SEPTIN1: variants seen among roughly 807,000 people sequenced by gnomAD.
SEPTIN1 encodes septin-1.
In SEPTIN1, 52 loss-of-function variants were observed where a neutral mutation model predicts 50.7. The observed-to-expected ratio is 1.03, with a 90% CI of 0.82 to 1.29. SEPTIN1 has a LOEUF of 1.29. Ranked by LOEUF, SEPTIN1 falls within the 50% of genes most tolerant of loss-of-function variation. The probability of loss-of-function intolerance (pLI) is 0.00; values close to 1 mark genes in which losing one functional copy is unlikely to be tolerated. For synonymous variants in SEPTIN1, 204 were observed against 189.1 expected, an observed-to-expected ratio of 1.08 and a Z score of -0.65; for missense variants, 455 against 490.7, an observed-to-expected ratio of 0.93 and a Z score of 0.69.
At position 30,381,347 on chromosome 16, in the gene SEPTIN1, G is replaced by A. The variant is rs375556576; in HGVS notation, c.447C>T (p.Phe149=). The part of the protein sequence containing the change: ...VHCCLYFISP[F]GRGLRPLDVA... ...GGATCCCCCCACCAGACCCCCGGCCGAAGGGTGAGATGAAGTAGAGGCAGC... is the reference window on the plus strand; with the variant it reads ...GGATCCCCCCACCAGACCCCCGGCCAAAGGGTGAGATGAAGTAGAGGCAGC... The change falls in exon 5 of 11, where the codon TTC becomes TTT. Residue 149 remains phenylalanine (F), a synonymous_variant. Transcript: ENST00000321367. The surrounding 1 kb of genome is among the most constrained non-coding windows in gnomAD (Gnocchi z 4.3). 16 of 1,607,614 alleles carry A rather than the reference G, an allele frequency of 1.0e-5. No homozygotes were observed. The highest frequency in any genetic ancestry group is 6.7e-5 in the East Asian group (3 of 44,806).
In SEPTIN1 at chr16:30,381,152, T is replaced by TGGGGCATC; in HGVS notation, c.540_547dup (p.Gln183ArgfsTer17). 6.2e-7 allele frequency: 1 copy of TGGGGCATC among 1,614,064 alleles called. No homozygotes were observed. Among genetic ancestry groups the TGGGGCATC allele is most frequent in the Non-Finnish European group, 8.5e-7 (1 of 1,179,964 alleles). ...CTTCTGCTTGAGGGCCTGGGTTTCC[T>TGGGGCATC]GGGGCATCAGAGCATCCGCTTTGCC... On this transcript the variant is annotated frameshift_variant, in exon 6 of 11. Coordinates refer to ENST00000321367, the MANE Select transcript of SEPTIN1 (RefSeq NM_001365977.2). LOFTEE classifies it high-confidence loss of function. The surrounding 1 kb of genome is among the most constrained non-coding windows in gnomAD (Gnocchi z 4.3).
Position 30,381,922 on chromosome 16 carries a change from C to T in SEPTIN1, c.197-39G>A. 1 of 1,612,346 alleles carries T rather than the reference C, an allele frequency of 6.2e-7. No homozygotes were observed. Among genetic ancestry groups the T allele is most frequent in the Admixed American group, 1.7e-5 (1 of 59,824 alleles). On this transcript the variant is annotated intron_variant, in intron 3 of 10. Transcript: ENST00000321367. The surrounding 1 kb of genome is among the most constrained non-coding windows in gnomAD (Gnocchi z 4.3). ...GAGAGGTCAGGGATCCGGGGAGGCT[C>T]TGAGGCAGAATTAATTTCCTTTGTC... is the stretch of plus-strand genomic sequence containing the variant.
chr16:30,379,582 CT>C lies in SEPTIN1; in HGVS notation c.676-49del, dbSNP rs554529920. On this transcript the variant is annotated intron_variant, in intron 7 of 10. Coordinates refer to ENST00000321367, the MANE Select transcript of SEPTIN1 (RefSeq NM_001365977.2). ...TCACCATTGGCTCACACGGCAGAAACTTTCTCTTTCCCAGCTTCAATCTCCA... is the reference window on the plus strand; with the variant it reads ...TCACCATTGGCTCACACGGCAGAAACTTCTCTTTCCCAGCTTCAATCTCCA... 8.0e-4 allele frequency: 1,090 copies of C among 1,369,280 alleles called. 1 individual carries two copies. Among genetic ancestry groups the C allele is most frequent in the Non-Finnish European group, 1.0e-3 (985 of 973,658 alleles). 84.8% of individuals were successfully genotyped at this position (1,369,280 alleles called of 1,614,324 possible). A position where few individuals can be genotyped will look rare whatever the true frequency, so the allele number is the denominator to read the frequency against.
Position 30,381,059 on chromosome 16 carries a change from A to G in SEPTIN1, c.573+68T>C. The G allele has an allele frequency of 7.9e-7, 1 of 1,264,616 alleles. No individual in the cohort carries two copies. The allele number at this position is 1,264,616 out of a possible 1,614,324, so 78.3% of individuals were successfully genotyped here. Reference sequence around the variant, plus strand: ...GCTCCAGAAAGGCCACTTCAAGATCAAAGAAGTCTAAGCTGAAATCAGGTT... The same window carrying G: ...GCTCCAGAAAGGCCACTTCAAGATCGAAGAAGTCTAAGCTGAAATCAGGTT... On this transcript the variant is annotated intron_variant, in intron 6 of 10. Transcript: ENST00000321367. This position sits in a 1 kb window ranked among gnomAD's most constrained non-coding sequence, Gnocchi z 4.3.
chr16:30,382,742 C>T, upstream of SEPTIN1: 2 of 1,536,284 alleles, frequency 1.3e-6, no homozygotes, highest in Non-Finnish European at 1.7e-6. The surrounding 1 kb of genome is among the most constrained non-coding windows in gnomAD (Gnocchi z 4.8). Flanking sequence ...TACCTTCAAC[C>T]CTCCATCCTT....
Position 30,380,989 on chromosome 16 carries a change from C to T in SEPTIN1, c.573+138G>A, listed in dbSNP as rs372861703. ...ATGGCTATGCTGGCGGCTTACCACC[C>T]GCCTTCCTCAGAAGCTTCTCCTACA... On this transcript the variant is annotated intron_variant, in intron 6 of 10. Transcript: ENST00000321367. 9.0e-4 allele frequency: 693 copies of T among 769,738 alleles called. 5 individuals are homozygous for T. The highest frequency in any genetic ancestry group is 6.5e-3 in the South Asian group (411 of 62,876). The allele number at this position is 769,738 out of a possible 1,614,324, so 47.7% of individuals were successfully genotyped here.
rs777979063 is a variant in SEPTIN1, at chr16:30,382,510, G to C, written c.18+15C>G. On this transcript the variant is annotated intron_variant, in intron 1 of 10. Transcript: ENST00000321367. This position sits in a 1 kb window ranked among gnomAD's most constrained non-coding sequence, Gnocchi z 4.8. ...GGGGGCCGAGATGCCCAGGTTTCTG[G>C]GTGTAAGGACTCACCATGACTCCGC... 6.3e-7 allele frequency: 1 copy of C among 1,597,340 alleles called. No homozygotes were observed. Among genetic ancestry groups the C allele is most frequent in the East Asian group, 2.3e-5 (1 of 44,252 alleles).
chr16:30,378,352 G>A lies in SEPTIN1; in HGVS notation c.*82C>T. ...GCGGCACCCGCGGAGGTCCCGGGGG[G>A]CGCTGGGCAGTGTGGGGCGCGGGGA... is the stretch of plus-strand genomic sequence containing the variant. On this transcript the variant is annotated 3_prime_UTR_variant, in exon 11 of 11. Coordinates refer to ENST00000321367, the MANE Select transcript of SEPTIN1 (RefSeq NM_001365977.2). The A allele has an allele frequency of 1.5e-6, 2 of 1,326,812 alleles. No homozygotes were observed. Among genetic ancestry groups the A allele is most frequent in the Non-Finnish European group, 2.0e-6 (2 of 986,966 alleles). 82.2% of individuals were successfully genotyped at this position (1,326,812 alleles called of 1,614,324 possible).
intron 9 of SEPTIN1, 138 bp from the exon 10 acceptor site, chr16:30,378,838 C>CG (rs1567422643): frequency 3.6e-6 from 1 of 276,832 alleles, no homozygotes; most frequent in African/African-American, 9.3e-5. Flanking sequence ...GGAGGCAAAG[C>CG]GGGTGGGGAG....
chr16:30,379,985 C>T lies in SEPTIN1; in HGVS notation c.622G>A (p.Glu208Lys), dbSNP rs576142483. ...EEEIHIYQFP[E>K]CDSDEDEDFK... The stretch of plus-strand genomic sequence containing the variant: ...TCTTCATCTTCATCAGAGTCACATT[C>T]GGGGAACTGGTAGATGTGGATCTCC... The change falls in exon 7 of 11, where the codon GAA becomes AAA. Residue 208 changes from glutamate (E) to lysine (K), a missense_variant. Transcript: ENST00000321367. 24 of 1,610,770 alleles carry T rather than the reference C, an allele frequency of 1.5e-5. No individual in the cohort carries two copies. The highest frequency in any genetic ancestry group is 9.4e-5 in the African/African-American group (7 of 74,832).
At chr16:30,379,610 A>G (rs1002828678) in intron 7 of SEPTIN1, 76 bp from the exon 8 acceptor site, 2 of 506,660 alleles carry the variant, frequency 3.9e-6, no homozygotes, top group Admixed American at 2.8e-5. Flanking sequence ...CAATCTCCAC[A>G]CCCGCCTCCT....
rs567344240 is a variant in SEPTIN1, at chr16:30,380,760, ACT to A, written c.573+365_573+366del. On this transcript the variant is annotated intron_variant, in intron 6 of 10. Transcript: ENST00000321367. ...ACTGCAGCCTGGGCCACAGAGTGAGACTCTATCTAAAAAAAAAAAGAGAGAGA... is the reference window on the plus strand; with the variant it reads ...ACTGCAGCCTGGGCCACAGAGTGAGACTATCTAAAAAAAAAAAGAGAGAGA... The A allele has an allele frequency of 1.4e-5, 4 of 279,988 alleles. No homozygotes were observed. The East Asian group carries it at 3.7e-4, about 26-fold the overall frequency. The allele number at this position is 279,988 out of a possible 1,614,324, so 17.3% of individuals were successfully genotyped here.
Position 30,381,429 on chromosome 16 carries a change from TACTGCTCAA to T in SEPTIN1, c.356_364del (p.Phe119_Gln121del). 1 of 1,613,830 alleles carries T rather than the reference TACTGCTCAA, an allele frequency of 6.2e-7. No homozygotes were observed. The highest frequency in any genetic ancestry group is 8.5e-7 in the Non-Finnish European group (1 of 1,179,994). ...GTTCAGGCCACTCTCATCCCTAAGG[TACTGCTCAA>T]ATTGCTCCTCGATGAATTTCACCAC... On this transcript the variant is annotated inframe_deletion, in exon 5 of 11. Transcript: ENST00000321367. This position sits in a 1 kb window ranked among gnomAD's most constrained non-coding sequence, Gnocchi z 4.3.
At chr16:30,379,261 G>A in intron 8 of SEPTIN1, 78 bp from the exon 9 acceptor site, 1 of 1,566,592 alleles carries the variant, frequency 6.4e-7, no homozygotes, top group Non-Finnish European at 8.7e-7. Context: ...GGGTCTACAG[G>A]AAAGTCCTGC....
chr16:30,379,571 C>G, intron 7 of SEPTIN1, 37 bp from the exon 8 acceptor site: 1 of 1,505,168 alleles, frequency 6.6e-7, no homozygotes, highest in Non-Finnish European at 9.2e-7. Context: ...CATTGGCTCA[C>G]ACGGCAGAAA....
chr16:30,381,778 G>A lies in SEPTIN1; in HGVS notation c.302C>T (p.Ser101Leu), dbSNP rs1346248873. The change falls in exon 4 of 11, where the codon TCA becomes TTA. Residue 101 changes from serine (S) to leucine (L), a missense_variant. By Grantham distance (145) the Ser-to-Leu change is moderately radical (BLOSUM62 -2). Coordinates refer to ENST00000321367, the MANE Select transcript of SEPTIN1 (RefSeq NM_001365977.2). This position sits in a 1 kb window ranked among gnomAD's most constrained non-coding sequence, Gnocchi z 4.3. ...TCCTCACCAGTCAGAGCAGTCCACT[G>A]AGTCCCCAAAGCCAGGTGTGTCCAC... ...TLVDTPGFGD[S>L]VDCSDCWLPV... 6.2e-7 allele frequency: 1 copy of A among 1,614,092 alleles called. No homozygotes were observed. Among genetic ancestry groups the A allele is most frequent in the Non-Finnish European group, 8.5e-7 (1 of 1,180,000 alleles).
In SEPTIN1 at chr16:30,381,065, G is replaced by A; in HGVS notation, c.573+62C>T. On this transcript the variant is annotated intron_variant, in intron 6 of 10. Transcript: ENST00000321367. This position sits in a 1 kb window ranked among gnomAD's most constrained non-coding sequence, Gnocchi z 4.3. The stretch of plus-strand genomic sequence containing the variant: ...GAAAGGCCACTTCAAGATCAAAGAA[G>A]TCTAAGCTGAAATCAGGTTTGGCTT... The A allele has an allele frequency of 7.6e-7, 1 of 1,307,224 alleles. No individual in the cohort carries two copies. 81.0% of individuals were successfully genotyped at this position (1,307,224 alleles called of 1,614,324 possible).
In SEPTIN1 at chr16:30,379,026, G is replaced by A. The variant is rs1242790835; in HGVS notation, c.933C>T (p.Ala311=). 6.2e-7 allele frequency: 1 copy of A among 1,612,894 alleles called. No individual in the cohort carries two copies. The highest frequency in any genetic ancestry group is 8.5e-7 in the Non-Finnish European group (1 of 1,179,790). ...SLARPGARDR[A]SRSKLSRQSA... ...TCCGCCCCGGGTCTCACCTGCGGCT[G>A]GCTCGATCGCGAGCCCCAGGCCGGG... Residue 311 remains alanine (A), a synonymous_variant, in exon 9 of 11, where the codon GCC becomes GCT. Transcript: ENST00000321367.
rs2049846800 is a variant in SEPTIN1, at chr16:30,381,396, T to G, written c.398A>C (p.Asn133Thr). The change falls in exon 5 of 11, where the codon AAC (asparagine) becomes ACC (threonine). Residue 133 changes from asparagine (N) to threonine (T), a missense_variant. Asn to Thr is a moderately conservative substitution (Grantham distance 65, BLOSUM62 0). Transcript: ENST00000321367. The surrounding 1 kb of genome is among the most constrained non-coding windows in gnomAD (Gnocchi z 4.3). ...GCAGTGGACTCGGGAGTCCTGGATG[T>G]TCTTCCGGTTCAGGCCACTCTCATC... ...LRDESGLNRK[N>T]IQDSRVHCCL... is the part of the protein sequence containing the mutation. 15 of 1,613,502 alleles carry G rather than the reference T, an allele frequency of 9.3e-6. No individual in the cohort carries two copies. In the South Asian group the frequency reaches 1.5e-4, roughly 17 times the overall value.
Sources: allele counts gnomAD v4.1 joint callset, GRCh38; gene constraint gnomAD v4.1.1; non-coding constraint Gnocchi (gnomAD v3.1); transcripts MANE v1.5; gene names NCBI Gene and HGNC (gene_info 2026-07-23, HGNC 2026-07-21).